SHOC2: variants seen among roughly 807,000 people sequenced by gnomAD.
SHOC2 encodes the protein SHOC2 leucine rich repeat scaffold protein, also known as leucine-rich repeat protein SHOC-2.
SHOC2 carries 4 observed loss-of-function variants against 50.2 expected under a neutral mutation model. The observed-to-expected ratio is 0.08, with a 90% CI of 0.04 to 0.18. The LOEUF (loss-of-function observed/expected upper bound fraction) is 0.18. SHOC2 is among the 10% of genes least tolerant of loss of function. SHOC2 has a pLI of 1.00. For synonymous variants in SHOC2, 218 were observed against 244.5 expected (o/e 0.89, Z 1.01); for missense variants, 388 against 669.6 (o/e 0.58, Z 4.64).
intron 8 of SHOC2, among the ~76,000 whole-genome samples, chr10:111,010,890 A>T (rs1848554648): frequency 6.6e-6 from 1 of 152,176 alleles, no homozygotes; most frequent in South Asian, 2.1e-4. Flanking sequence ...ACTAGCTATT[A>T]TTTCTGTTAT....
At chr10:110,950,857 A>T (rs1847337805) in intron 1 of SHOC2, among the ~76,000 whole-genome samples, 1 of 152,198 alleles carries the variant, frequency 6.6e-6, no homozygotes, top group Non-Finnish European at 1.5e-5. Flanking sequence ...ATATATAAAA[A>T]CATGAAAATA....
intron 1 of SHOC2, among the ~76,000 whole-genome samples, chr10:110,953,275 G>C (rs937154572): frequency 4.6e-5 from 7 of 152,124 alleles, no homozygotes; most frequent in Admixed American, 3.3e-4. Context: ...GGCGTGAGAT[G>C]GTGTCTCATT....
Position 111,008,678 on chromosome 10 carries a change from A to T in SHOC2, c.1285-570A>T, listed in dbSNP as rs150553404. ...GGTGTAACATTAGGGAAAATAAATG[A>T]ACATAAAAACTTACCCAGAACCTTA... On this transcript the variant is annotated intron_variant, in intron 6 of 8. Transcript: ENST00000369452. Among the ~76,000 whole-genome samples the T allele has an allele frequency of 2.7e-4, 41 of 152,258 alleles. 1 individual carries two copies. The highest frequency in any genetic ancestry group is 9.9e-4 in the African/African-American group (41 of 41,584).
At chr10:110,930,595 T>C (rs989515879) in intron 1 of SHOC2, among the ~76,000 whole-genome samples, 1 of 152,128 alleles carries the variant, frequency 6.6e-6, no homozygotes, top group Non-Finnish European at 1.5e-5. Context: ...CACTGGTAAT[T>C]AAATAGCCTT....
chr10:110,956,859 T>C (rs1259325701), intron 1 of SHOC2, among the ~76,000 whole-genome samples: 1 of 152,160 alleles, frequency 6.6e-6, no homozygotes, highest in Non-Finnish European at 1.5e-5. Context: ...TTCCTTTTAA[T>C]ATATTGCCAG....
intron 1 of SHOC2, among the ~76,000 whole-genome samples, chr10:110,921,254 G>C (rs1485696190): frequency 6.6e-6 from 1 of 152,152 alleles, no homozygotes; most frequent in East Asian, 1.9e-4. Context: ...GTATGCAAAT[G>C]ACCATTCGCC....
At chr10:110,976,271 A>G (rs1303501911) in intron 2 of SHOC2, among the ~76,000 whole-genome samples, 4 of 151,934 alleles carry the variant, frequency 2.6e-5, no homozygotes, top group Non-Finnish European at 4.4e-5. Context: ...GGTCTGCTCA[A>G]AATGAATTCA....
At chr10:110,975,246 T>G (rs1307401714) in intron 2 of SHOC2, among the ~76,000 whole-genome samples, 2 of 151,730 alleles carry the variant, frequency 1.3e-5, no homozygotes, top group African/African-American at 4.8e-5. Flanking sequence ...AGCTCCGCCT[T>G]CTGGGTTCAC....
chr10:110,991,853 T>C (rs963117261), intron 3 of SHOC2, among the ~76,000 whole-genome samples: 5 of 152,188 alleles, frequency 3.3e-5, no homozygotes, highest in African/African-American at 1.2e-4. Flanking sequence ...TCTCCTTTTT[T>C]AAATCCTACT....
intron 1 of SHOC2, chr10:110,936,899 T>C: frequency 2.2e-6 from 3 of 1,382,032 alleles, no homozygotes; most frequent in Non-Finnish European, 3.1e-6. Context: ...TTTCTTGTCG[T>C]AAGGCGGTGG....
upstream of SHOC2, chr10:110,919,491 G>A: frequency 2.5e-6 from 1 of 392,476 alleles, no homozygotes; most frequent in South Asian, 1.3e-4. Context: ...CGGCAGAGGG[G>A]TGGGGCGGGG....
chr10:110,937,490 A>G (rs1010845406), intron 1 of SHOC2, among the ~76,000 whole-genome samples: 1 of 152,062 alleles, frequency 6.6e-6, no homozygotes, highest in Non-Finnish European at 1.5e-5. Flanking sequence ...ACCCTCTCAT[A>G]TGTTATGGTT....
chr10:110,979,231 A>G (rs1847929148), intron 2 of SHOC2, among the ~76,000 whole-genome samples: 1 of 152,224 alleles, frequency 6.6e-6, no homozygotes, highest in African/African-American at 2.4e-5. Flanking sequence ...TTGGCTGGAG[A>G]CTGCTCTTAG....
chr10:110,994,766 G>C (rs931217573), intron 3 of SHOC2, among the ~76,000 whole-genome samples: 4 of 152,144 alleles, frequency 2.6e-5, no homozygotes, highest in Non-Finnish European at 2.9e-5. Flanking sequence ...ATAAACCATG[G>C]TTATCTAAGG....
chr10:110,953,694 TGA>T (rs986318516), intron 1 of SHOC2, among the ~76,000 whole-genome samples: 3 of 151,664 alleles, frequency 2.0e-5, no homozygotes, highest in Non-Finnish European at 4.4e-5. Context: ...AGTAAATCTT[TGA>T]GAGAGAGATA....
At chr10:110,990,659 CG>C (rs1848167434) in intron 3 of SHOC2, among the ~76,000 whole-genome samples, 1 of 151,956 alleles carries the variant, frequency 6.6e-6, no homozygotes, top group Non-Finnish European at 1.5e-5. Flanking sequence ...AGCAGGCTGC[CG>C]GAGCCAGCAT....
intron 1 of SHOC2, among the ~76,000 whole-genome samples, chr10:110,921,558 T>C (rs1360604298): frequency 6.6e-6 from 1 of 152,176 alleles, no homozygotes; most frequent in African/African-American, 2.4e-5. Context: ...TTAATTGTTA[T>C]GGGTACATAG....
At chr10:110,945,251 G>A (rs1847225063) in intron 1 of SHOC2, among the ~76,000 whole-genome samples, 1 of 152,166 alleles carries the variant, frequency 6.6e-6, no homozygotes, top group Non-Finnish European at 1.5e-5. Context: ...GGTCAGCATT[G>A]CAAATAGGGT....
intron 1 of SHOC2, chr10:110,937,259 C>CTTT: frequency 1.1e-5 from 8 of 738,848 alleles, no homozygotes; most frequent in South Asian, 3.1e-5. Flanking sequence ...GGGAAAGCTG[C>CTTT]TTTTTTTTTT....
Sources: gnomAD v4.1 joint callset for allele counts (sites outside exome capture counted in the v4.1 genomes callset) on GRCh38, gnomAD v4.1.1 for gene constraint, MANE v1.5 for transcripts, NCBI Gene and HGNC (gene_info 2026-07-23, HGNC 2026-07-21) for gene names.